The following LYRM4 variants were observed in gnomAD, a reference collection of about 807,000 sequenced individuals.
The protein encoded by LYRM4 is LYR motif containing 4.
Under a neutral mutation model 11.7 loss-of-function variants are expected in LYRM4, and 9 were observed. That is an observed-to-expected ratio of 0.77 (90% CI 0.46 to 1.34). LYRM4 has a LOEUF of 1.34. Among genes scored for constraint, LYRM4 ranks in the 40% most tolerant of loss-of-function variants. The pLI is 0.00. For synonymous variants in LYRM4, 42 were observed against 40.4 expected, an observed-to-expected ratio of 1.04 and a Z score of -0.15; for missense variants, 133 against 112.5, an observed-to-expected ratio of 1.18 and a Z score of -0.82.
chr6:5,086,021 G>T, the LYRM4 span: 8 of 1,496,386 alleles, frequency 5.3e-6, no homozygotes, highest in Non-Finnish European at 7.1e-6. Context: ...CAGCTCGGGG[G>T]GCTGCTGGCC....
intron 1 of LYRM4, among the ~76,000 whole-genome samples, chr6:5,234,221 CTAT>C (rs1274968348): frequency 3.3e-5 from 5 of 152,172 alleles, no homozygotes; most frequent in Non-Finnish European, 7.3e-5. Flanking sequence ...GAAAATTTCA[CTAT>C]TATTTAAATT....
chr6:5,120,386 A>G (rs1763382136), intron 2 of LYRM4, among the ~76,000 whole-genome samples: 1 of 152,098 alleles, frequency 6.6e-6, no homozygotes. Flanking sequence ...GTGTGCCCGG[A>G]GTTTGTTCCT....
the LYRM4 span, among the ~76,000 whole-genome samples, chr6:5,074,149 T>G: frequency 6.6e-6 from 1 of 152,204 alleles, no homozygotes; most frequent in Non-Finnish European, 1.5e-5. Context: ...CTTATACAAG[T>G]GGGCTTAACT....
chr6:5,229,726 GAC>G lies in LYRM4; in HGVS notation c.87-12990_87-12989del, dbSNP rs376369165. Among the ~76,000 whole-genome samples, 917 of 152,300 alleles carry G rather than the reference GAC, an allele frequency of 6.0e-3. 11 individuals carry two copies. Among genetic ancestry groups the G allele is most frequent in the South Asian group, 0.043 (209 of 4,820 alleles). ...AAAAAAAGTATATTCAAAACAATAT[GAC>G]AGTTTCATATATCTGCAGGTTTTAA... On this transcript the variant is annotated intron_variant, in intron 1 of 2. Coordinates refer to ENST00000330636, the MANE Select transcript of LYRM4 (RefSeq NM_020408.6).
chr6:5,152,162 A>G (rs1314538276), intron 2 of LYRM4, among the ~76,000 whole-genome samples: 1 of 152,206 alleles, frequency 6.6e-6, no homozygotes, highest in Non-Finnish European at 1.5e-5. Flanking sequence ...ACCCAACTTC[A>G]TTCTATAGAT....
the LYRM4 span, among the ~76,000 whole-genome samples, chr6:5,059,291 T>C: frequency 6.9e-6 from 1 of 144,664 alleles, no homozygotes; most frequent in Admixed American, 7.3e-5. Context: ...CAGTGAGCTA[T>C]GACGGTGGCA....
the LYRM4 span, chr6:5,065,650 T>C: frequency 2.0e-5 from 3 of 152,738 alleles, no homozygotes; most frequent in Admixed American, 6.5e-5. Flanking sequence ...GCCAATGATA[T>C]CAACTTCAGG....
chr6:5,120,482 A>C (rs530896619), intron 2 of LYRM4, among the ~76,000 whole-genome samples: 4 of 152,294 alleles, frequency 2.6e-5, no homozygotes, highest in Non-Finnish European at 5.9e-5. Flanking sequence ...GGTGGTGTGG[A>C]CCCAAAAAGT....
chr6:5,124,072 C>T (rs184526604), intron 2 of LYRM4, among the ~76,000 whole-genome samples: 6 of 152,270 alleles, frequency 3.9e-5, no homozygotes, highest in Admixed American at 6.5e-5. Flanking sequence ...GGCGGGCACA[C>T]GCTCTCTCTT....
chr6:5,132,703 A>T (rs1360555122), intron 2 of LYRM4: 1 of 151,700 alleles, frequency 6.6e-6, no homozygotes, highest in Non-Finnish European at 1.5e-5. Flanking sequence ...CTTGGATCAC[A>T]TAAGTGGAAC....
At chr6:5,228,827 C>T (rs772136613) in intron 1 of LYRM4, among the ~76,000 whole-genome samples, 1 of 150,442 alleles carries the variant, frequency 6.6e-6, no homozygotes, top group African/African-American at 2.4e-5. Context: ...GGTGAAACCC[C>T]GTCTCTACTA....
At chr6:5,040,110 T>C in the LYRM4 span, among the ~76,000 whole-genome samples, 1 of 152,214 alleles carries the variant, frequency 6.6e-6, no homozygotes, top group Non-Finnish European at 1.5e-5. Context: ...AGAAGGAATG[T>C]AGCTTTAAAC....
At chr6:5,040,081 A>G in the LYRM4 span, among the ~76,000 whole-genome samples, 6 of 152,322 alleles carry the variant, frequency 3.9e-5, no homozygotes, top group African/African-American at 1.4e-4. Flanking sequence ...ATCCTAAACT[A>G]TCCACAAAAA....
the LYRM4 span, among the ~76,000 whole-genome samples, chr6:5,093,241 A>G: frequency 2.0e-5 from 3 of 152,248 alleles, no homozygotes; most frequent in African/African-American, 7.2e-5. Flanking sequence ...GCCCTGGAAG[A>G]CTGCTTTTTG....
the LYRM4 span, among the ~76,000 whole-genome samples, chr6:5,062,738 C>A: frequency 6.6e-6 from 1 of 152,190 alleles, no homozygotes; most frequent in Non-Finnish European, 1.5e-5. Context: ...ACTCTCAGGA[C>A]ATAATTTACT....
At chr6:5,082,121 G>A in the LYRM4 span, among the ~76,000 whole-genome samples, 5 of 152,202 alleles carry the variant, frequency 3.3e-5, no homozygotes, top group African/African-American at 1.2e-4. Flanking sequence ...GAGTCATATG[G>A]AAGCTGGGGA....
intron 2 of LYRM4, among the ~76,000 whole-genome samples, chr6:5,110,730 T>C (rs1278517730): frequency 1.3e-5 from 2 of 151,948 alleles, no homozygotes; most frequent in Non-Finnish European, 2.9e-5. Context: ...GGGAAGGGGG[T>C]GTAGAGAATG....
intron 2 of LYRM4, among the ~76,000 whole-genome samples, chr6:5,160,772 C>T (rs1210339099): frequency 1.3e-5 from 2 of 152,162 alleles, no homozygotes; most frequent in African/African-American, 4.8e-5. Flanking sequence ...GGTGGAAAGG[C>T]ACCTGCTCAG....
chr6:5,109,439 T>C lies in LYRM4; in HGVS notation c.260A>G (p.Asp87Gly), dbSNP rs1378293040. The change falls in exon 3 of 3, where the codon GAC becomes GGC. Residue 87 changes from aspartate (D) to glycine (G), a missense_variant. Asp to Gly is a moderately conservative substitution (Grantham distance 94). Coordinates refer to ENST00000330636, the MANE Select transcript of LYRM4 (RefSeq NM_020408.6). ...STDKLIIENR[D>G]MPRT ...CCCGGCTTGCTAGGTCCTGGGCATG[T>C]CTCGATTCTCAATGATCAGCTTGTC... The C allele has an allele frequency of 2.5e-6, 4 of 1,613,974 alleles. No individual in the cohort carries two copies. The highest frequency in any genetic ancestry group is 3.4e-6 in the Non-Finnish European group (4 of 1,179,992).
Sources: allele counts gnomAD v4.1 joint callset (sites outside exome capture counted in the v4.1 genomes callset), GRCh38; gene constraint gnomAD v4.1.1; transcripts MANE v1.5; gene names NCBI Gene and HGNC (gene_info 2026-07-23, HGNC 2026-07-21).